The following ZCCHC7 variants were observed in gnomAD, a reference collection of about 807,000 sequenced individuals.
ZCCHC7 encodes the protein zinc finger CCHC-type containing 7.
A neutral mutation model predicts 52.0 loss-of-function variants in ZCCHC7; 35 were observed. That is an observed-to-expected ratio of 0.67 (90% confidence interval 0.51 to 0.89). The LOEUF is 0.89. Among genes scored for constraint, ZCCHC7 ranks in the 40% least tolerant of loss-of-function variants. ZCCHC7 has a pLI of 0.00. For synonymous variants in ZCCHC7, 217 were observed against 221.5 expected (o/e 0.98, Z 0.18); for missense variants, 574 against 649.1 (o/e 0.88, Z 1.26).
At chr9:37,168,447 G>T (rs896821343) in intron 2 of ZCCHC7, among the ~76,000 whole-genome samples, 1 of 152,056 alleles carries the variant, frequency 6.6e-6, no homozygotes, top group African/African-American at 2.4e-5. Flanking sequence ...AAAGGTTTAT[G>T]TATTTATATG....
intron 2 of ZCCHC7, among the ~76,000 whole-genome samples, chr9:37,159,855 A>G (rs1346452851): frequency 1.3e-5 from 2 of 152,248 alleles, no homozygotes; most frequent in African/African-American, 4.8e-5. Context: ...AAAATGGAAT[A>G]AAGATAAAGA....
chr9:37,229,554 CAT>C (rs1050099595), intron 2 of ZCCHC7, among the ~76,000 whole-genome samples: 1 of 151,966 alleles, frequency 6.6e-6, no homozygotes, highest in African/African-American at 2.4e-5. Context: ...TGTATCTAAA[CAT>C]AGAAAAAGTG....
At chr9:37,325,748 A>G (rs1030383207) in intron 5 of ZCCHC7, among the ~76,000 whole-genome samples, 4 of 152,208 alleles carry the variant, frequency 2.6e-5, no homozygotes, top group African/African-American at 9.6e-5. Context: ...AAATAGCAAA[A>G]TGAAACTATG....
At chr9:37,251,356 A>G (rs771982963) in intron 2 of ZCCHC7, among the ~76,000 whole-genome samples, 21 of 152,156 alleles carry the variant, frequency 1.4e-4, no homozygotes, top group Non-Finnish European at 2.8e-4. Context: ...TTGTTCTGCT[A>G]TAGTTATTTC....
In ZCCHC7 at chr9:37,123,175, G is replaced by A. The variant is rs528134389; in HGVS notation, c.-22+2552G>A. Among the ~76,000 whole-genome samples, 44 of 147,616 alleles carry A rather than the reference G, an allele frequency of 3.0e-4. No individual in the cohort carries two copies. The East Asian group carries it at 8.8e-3, about 30-fold the overall frequency. On this transcript the variant is annotated intron_variant, in intron 1 of 8. Transcript: ENST00000336755. Reference sequence around the variant, plus strand: ...GTACAGGGATAAAAAAGCTGAGAAAGCCTTCTGAGTCAAGGGTGTGTGTGT... The same window carrying A: ...GTACAGGGATAAAAAAGCTGAGAAAACCTTCTGAGTCAAGGGTGTGTGTGT...
At chr9:37,289,771 T>C (rs1828445099) in intron 2 of ZCCHC7, among the ~76,000 whole-genome samples, 1 of 152,236 alleles carries the variant, frequency 6.6e-6, no homozygotes, top group Admixed American at 6.5e-5. Context: ...CTAATACCTC[T>C]GTACTCTTAT....
intron 2 of ZCCHC7, among the ~76,000 whole-genome samples, chr9:37,300,150 T>A (rs1828963059): frequency 1.3e-5 from 2 of 152,218 alleles, no homozygotes; most frequent in African/African-American, 4.8e-5. Flanking sequence ...ATAGAGTCGA[T>A]CTCCCTCCTT....
intron 2 of ZCCHC7, among the ~76,000 whole-genome samples, chr9:37,154,662 T>TG (rs1477723083): frequency 3.0e-5 from 4 of 132,804 alleles, no homozygotes; most frequent in African/African-American, 5.6e-5. Flanking sequence ...TTCTGTTTTT[T>TG]GTTTTTTTTT....
intron 2 of ZCCHC7, among the ~76,000 whole-genome samples, chr9:37,229,727 CTT>C (rs952856267): frequency 2.0e-5 from 3 of 152,138 alleles, no homozygotes; most frequent in African/African-American, 7.2e-5. Context: ...GCACTGTACA[CTT>C]AGGCTACACT....
At chr9:37,277,708 A>G (rs1004159887) in intron 2 of ZCCHC7, among the ~76,000 whole-genome samples, 3 of 152,220 alleles carry the variant, frequency 2.0e-5, no homozygotes, top group Admixed American at 6.5e-5. Flanking sequence ...ATCAGAAAAT[A>G]GAGGCTACTA....
At chr9:37,152,065 A>G (rs1283059897) in intron 2 of ZCCHC7, among the ~76,000 whole-genome samples, 10 of 152,206 alleles carry the variant, frequency 6.6e-5, no homozygotes, top group Admixed American at 5.9e-4. Flanking sequence ...GTAAGGGCAG[A>G]CTAACAGTAA....
intron 2 of ZCCHC7, among the ~76,000 whole-genome samples, chr9:37,228,108 A>G (rs1463197130): frequency 6.6e-6 from 1 of 152,100 alleles, no homozygotes; most frequent in Admixed American, 6.6e-5. Context: ...CTAATTCTTT[A>G]TACTAAGTTA....
intron 6 of ZCCHC7, among the ~76,000 whole-genome samples, chr9:37,348,343 G>GTTTCTTTCTTTCTTTCTTTCTTTCTTTCT (rs1554736695): frequency 1.0e-5 from 1 of 100,018 alleles, no homozygotes; most frequent in African/African-American, 3.3e-5. Context: ...AGTGATACCA[G>GTTTCTTTCTTTCTTTCTTTCTTTCTTTCT]TTCGTTCTTT....
intron 2 of ZCCHC7, among the ~76,000 whole-genome samples, chr9:37,288,410 T>A (rs1828365981): frequency 6.6e-6 from 1 of 151,456 alleles, no homozygotes; most frequent in South Asian, 2.1e-4. Context: ...GTTATCCATC[T>A]AATATACAAA....
intron 2 of ZCCHC7, among the ~76,000 whole-genome samples, chr9:37,166,608 G>C (rs1281521460): frequency 6.6e-6 from 1 of 151,364 alleles, no homozygotes; most frequent in Non-Finnish European, 1.5e-5. Flanking sequence ...TGTTTACAGT[G>C]GATTTTATTT....
At chr9:37,333,854 A>C (rs921946615) in intron 6 of ZCCHC7, 2 of 151,858 alleles carry the variant, frequency 1.3e-5, no homozygotes, top group African/African-American at 4.8e-5. Context: ...TCTTTAAAAA[A>C]ATTAAAATAT....
At chr9:37,199,834 AG>A (rs1564174376) in intron 2 of ZCCHC7, among the ~76,000 whole-genome samples, 1 of 151,726 alleles carries the variant, frequency 6.6e-6, no homozygotes, top group Admixed American at 6.6e-5. Flanking sequence ...GCCTCCCAGT[AG>A]CTGGGACTAC....
intron 6 of ZCCHC7, among the ~76,000 whole-genome samples, chr9:37,345,108 T>G (rs1386625616): frequency 6.6e-6 from 1 of 152,228 alleles, no homozygotes; most frequent in Non-Finnish European, 1.5e-5. Flanking sequence ...TCACAATAGT[T>G]TCTCCACTTG....
At chr9:37,234,669 C>T (rs890234324) in intron 2 of ZCCHC7, among the ~76,000 whole-genome samples, 6 of 152,174 alleles carry the variant, frequency 3.9e-5, no homozygotes, top group African/African-American at 7.2e-5. Context: ...AAGACCAAAA[C>T]CTAGTACTTG....
Sources: allele counts gnomAD v4.1 joint callset (sites outside exome capture counted in the v4.1 genomes callset), GRCh38; gene constraint gnomAD v4.1.1; transcripts MANE v1.5; gene names NCBI Gene and HGNC (gene_info 2026-07-23, HGNC 2026-07-21).